KCNQ5: variants seen among roughly 807,000 people sequenced by gnomAD.
The protein encoded by KCNQ5 is potassium voltage-gated channel subfamily KQT member 5.
Under a neutral mutation model 98.2 loss-of-function variants are expected in KCNQ5, and 30 were observed. The observed-to-expected ratio is 0.31, with a 90% CI of 0.23 to 0.41. The LOEUF (loss-of-function observed/expected upper bound fraction) is 0.41. KCNQ5 is among the 10% of genes least tolerant of loss of function. The pLI is 1.00. For synonymous variants in KCNQ5, 458 were observed against 449.4 expected (o/e 1.02, Z -0.24); for missense variants, 835 against 1,182.5 (o/e 0.71, Z 4.31).
At chr6:73,078,975 A>G (rs1302209915) in intron 5 of KCNQ5, among the ~76,000 whole-genome samples, 3 of 152,180 alleles carry the variant, frequency 2.0e-5, no homozygotes. Flanking sequence ...TTTTTATTTT[A>G]TTCCTTTAAG....
At chr6:72,949,254 T>C (rs956791434) in intron 1 of KCNQ5, among the ~76,000 whole-genome samples, 8 of 152,198 alleles carry the variant, frequency 5.3e-5, no homozygotes, top group African/African-American at 1.9e-4. Context: ...AATAATTTCC[T>C]CTTTTGGAGA....
chr6:72,761,114 A>G (rs981858298), intron 1 of KCNQ5, among the ~76,000 whole-genome samples: 6 of 152,152 alleles, frequency 3.9e-5, no homozygotes, highest in African/African-American at 1.4e-4. Flanking sequence ...GACATTGTGA[A>G]GTTAACCCTT....
chr6:72,801,006 T>G (rs1437679969), intron 1 of KCNQ5, among the ~76,000 whole-genome samples: 5 of 152,112 alleles, frequency 3.3e-5, no homozygotes, highest in African/African-American at 9.7e-5. Context: ...TGTTATAATT[T>G]CTGTTCTTTT....
chr6:72,682,400 A>G (rs1767752655), intron 1 of KCNQ5, among the ~76,000 whole-genome samples: 1 of 152,060 alleles, frequency 6.6e-6, no homozygotes, highest in African/African-American at 2.4e-5. Flanking sequence ...CAGCTCTACT[A>G]TCCTCTGATT....
At chr6:72,925,821 C>A (rs1456649413) in intron 1 of KCNQ5, among the ~76,000 whole-genome samples, 2 of 152,078 alleles carry the variant, frequency 1.3e-5, no homozygotes, top group Non-Finnish European at 2.9e-5. Flanking sequence ...CAATGGGAAC[C>A]TTGTGGGCAA....
chr6:72,900,456 TG>T (rs1779446216), intron 1 of KCNQ5, among the ~76,000 whole-genome samples: 1 of 147,494 alleles, frequency 6.8e-6, no homozygotes, highest in South Asian at 2.1e-4. Context: ...ATCATATATA[TG>T]ATTTATTTTA....
chr6:72,847,042 A>G (rs754743574), intron 1 of KCNQ5, among the ~76,000 whole-genome samples: 2 of 152,188 alleles, frequency 1.3e-5, no homozygotes, highest in Non-Finnish European at 1.5e-5. Flanking sequence ...AATAGAAAGT[A>G]AAGTGGATAG....
chr6:73,055,217 G>C, intron 3 of KCNQ5: 1 of 1,130,678 alleles, frequency 8.8e-7, no homozygotes, highest in Non-Finnish European at 1.3e-6. Flanking sequence ...GGCAAAGCAG[G>C]CACGGCGAGA....
In KCNQ5 at chr6:72,962,200, T is replaced by TAC. The variant is rs1554191160; in HGVS notation, c.399-41706_399-41705dup. Among the ~76,000 whole-genome samples, 825 of 99,964 alleles carry TAC rather than the reference T, an allele frequency of 8.3e-3. 7 individuals carry two copies. The highest frequency in any genetic ancestry group is 8.9e-3 in the Non-Finnish European group (405 of 45,266). 65.6% of individuals were successfully genotyped at this position (99,964 alleles called of 152,430 possible). ...TTCTCTAAATATATATATATATATA[T>TAC]ACATATATATATATATACACACATA... is the stretch of plus-strand genomic sequence containing the variant. On this transcript the variant is annotated intron_variant, in intron 1 of 13. Transcript: ENST00000370398.
chr6:73,147,986 C>G (rs1032718183), intron 10 of KCNQ5, among the ~76,000 whole-genome samples: 6 of 152,032 alleles, frequency 3.9e-5, no homozygotes, highest in Non-Finnish European at 8.8e-5. Context: ...AAAACATATT[C>G]TAGTGTTTCC....
At chr6:72,827,393 A>G (rs1776053432) in intron 1 of KCNQ5, among the ~76,000 whole-genome samples, 1 of 151,964 alleles carries the variant, frequency 6.6e-6, no homozygotes, top group Non-Finnish European at 1.5e-5. Context: ...ACCATTTGTT[A>G]TTTTTTGTCT....
chr6:72,831,462 A>G (rs140265398), intron 1 of KCNQ5, among the ~76,000 whole-genome samples: 293 of 152,198 alleles, frequency 1.9e-3, no homozygotes, highest in African/African-American at 6.7e-3. Flanking sequence ...CATCATTCTC[A>G]GCAGACTATC....
intron 1 of KCNQ5, among the ~76,000 whole-genome samples, chr6:72,702,504 T>C (rs1348259925): frequency 6.6e-6 from 1 of 152,208 alleles, no homozygotes; most frequent in East Asian, 1.9e-4. Flanking sequence ...CCTGGAATGT[T>C]GGAATAAATA....
intron 1 of KCNQ5, among the ~76,000 whole-genome samples, chr6:72,666,615 A>T (rs901712888): frequency 1.3e-5 from 2 of 152,148 alleles, no homozygotes; most frequent in Non-Finnish European, 2.9e-5. Flanking sequence ...TTGTAATGAA[A>T]TTATTCAAAA....
At chr6:72,910,075 A>G (rs769845730) in intron 1 of KCNQ5, among the ~76,000 whole-genome samples, 4 of 152,172 alleles carry the variant, frequency 2.6e-5, no homozygotes, top group Non-Finnish European at 5.9e-5. Flanking sequence ...AATGCAACTC[A>G]GTTATTTTTT....
chr6:72,919,751 C>T (rs1323411033), intron 1 of KCNQ5, among the ~76,000 whole-genome samples: 1 of 152,146 alleles, frequency 6.6e-6, no homozygotes, highest in African/African-American at 2.4e-5. Flanking sequence ...GCTTGCATTT[C>T]AGAAGTATCA....
intron 1 of KCNQ5, among the ~76,000 whole-genome samples, chr6:72,821,019 G>T (rs191666039): frequency 6.6e-6 from 1 of 152,266 alleles, no homozygotes; most frequent in Non-Finnish European, 1.5e-5. Context: ...GGATGCAAGG[G>T]CAGAGAAATA....
At chr6:72,666,666 T>C (rs764542593) in intron 1 of KCNQ5, among the ~76,000 whole-genome samples, 1 of 152,176 alleles carries the variant, frequency 6.6e-6, no homozygotes, top group Admixed American at 6.5e-5. Context: ...AAATACAGAT[T>C]TATTTATTGA....
intron 1 of KCNQ5, among the ~76,000 whole-genome samples, chr6:72,846,865 T>C (rs1777044398): frequency 1.3e-5 from 2 of 152,196 alleles, no homozygotes; most frequent in African/African-American, 4.8e-5. Context: ...ATGAAGGCAT[T>C]ATTATAAATG....
Sources: gnomAD v4.1 joint callset for allele counts (sites outside exome capture counted in the v4.1 genomes callset) on GRCh38, gnomAD v4.1.1 for gene constraint, MANE v1.5 for transcripts, NCBI Gene and HGNC (gene_info 2026-07-23, HGNC 2026-07-21) for gene names.